VWDE: variants seen among roughly 807,000 people sequenced by gnomAD.
The protein encoded by VWDE is von Willebrand factor D and EGF domains.
VWDE carries 207 observed loss-of-function variants against 178.4 expected under a neutral mutation model. The observed-to-expected ratio is 1.16, with a 90% CI of 1.04 to 1.30. The LOEUF (loss-of-function observed/expected upper bound fraction) is 1.30, where lower values mean the gene tolerates loss of function less well. Ranked by LOEUF, VWDE falls within the 50% of genes most tolerant of loss-of-function variation. VWDE has a pLI of 0.00. For missense variants in VWDE, 2,287 were observed against 1,901.3 expected (o/e 1.20, Z -3.77); for synonymous variants, 738 against 651.4 (o/e 1.13, Z -2.02).
intron 22 of VWDE, among the ~76,000 whole-genome samples, chr7:12,342,612 T>C (rs1286779013): frequency 1.3e-5 from 2 of 151,926 alleles, no homozygotes; most frequent in Admixed American, 6.6e-5. Context: ...TGTGTTCTTT[T>C]TATTTTTTTC....
At chr7:12,331,235 G>A (rs1313621756) in intron 28 of VWDE, 38 bp from the exon 29 acceptor site, 9 of 1,519,016 alleles carry the variant, frequency 5.9e-6, no homozygotes, top group Non-Finnish European at 3.6e-6. Flanking sequence ...TCAATGAATA[G>A]TATAAAATCA....
intron 11 of VWDE, 70 bp downstream of exon 11, chr7:12,370,586 A>T (rs1157559914): frequency 1.3e-6 from 2 of 1,530,584 alleles, no homozygotes; most frequent in Non-Finnish European, 1.8e-6. Context: ...GCAAAAAAGC[A>T]GAGTGTTGAG....
At chr7:12,384,969 T>C (rs760529939) in intron 3 of VWDE, among the ~76,000 whole-genome samples, 1 of 150,994 alleles carries the variant, frequency 6.6e-6, no homozygotes, top group Non-Finnish European at 1.5e-5. Context: ...TCACATGTAG[T>C]ATAAGGACCT....
Position 12,384,880 on chromosome 7 carries a change from G to A in VWDE, c.476-1279C>T, listed in dbSNP as rs1188681602. Among the ~76,000 whole-genome samples, 4 of 152,206 alleles carry A rather than the reference G, an allele frequency of 2.6e-5. No individual in the cohort carries two copies. In the South Asian group the frequency reaches 6.2e-4, roughly 24 times the overall value. ...TATTTAAACTAAAAGACACGAAGTTGGAAGCTTTAGGGGATATAGTATACA... is the reference window on the plus strand; with the variant it reads ...TATTTAAACTAAAAGACACGAAGTTAGAAGCTTTAGGGGATATAGTATACA... On this transcript the variant is annotated intron_variant, in intron 3 of 28. Coordinates refer to ENST00000275358, the MANE Select transcript of VWDE (RefSeq NM_001135924.3).
chr7:12,380,979 C>T (rs1020283978), intron 4 of VWDE, among the ~76,000 whole-genome samples: 2 of 152,138 alleles, frequency 1.3e-5, no homozygotes, highest in African/African-American at 4.8e-5. Context: ...TGAATATCTG[C>T]CTTTGAAAAG....
intron 28 of VWDE, among the ~76,000 whole-genome samples, chr7:12,332,856 T>C (rs1043639713): frequency 6.6e-6 from 1 of 152,176 alleles, no homozygotes; most frequent in African/African-American, 2.4e-5. Context: ...AGCATACTTT[T>C]ATATTCATGA....
intron 6 of VWDE, among the ~76,000 whole-genome samples, chr7:12,378,299 T>A (rs149885105): frequency 2.5e-4 from 38 of 152,344 alleles, no homozygotes; most frequent in African/African-American, 8.2e-4. Context: ...ACTCTGGTTT[T>A]TCTTAGGGAT....
intron 3 of VWDE, among the ~76,000 whole-genome samples, chr7:12,384,856 AT>A (rs1343082883): frequency 1.3e-5 from 2 of 152,118 alleles, no homozygotes; most frequent in Non-Finnish European, 2.9e-5. Context: ...AGAATTTAGT[AT>A]TTAAACTAAA....
chr7:12,377,337 A>G (rs939471136), intron 7 of VWDE, among the ~76,000 whole-genome samples: 1 of 152,178 alleles, frequency 6.6e-6, no homozygotes, highest in Non-Finnish European at 1.5e-5. Context: ...AGGATGCATT[A>G]TGAGATCTAT....
chr7:12,353,782 C>G (rs1169180766), intron 18 of VWDE: 2 of 152,328 alleles, frequency 1.3e-5, no homozygotes, highest in African/African-American at 4.8e-5. Context: ...AAGAGAGTCT[C>G]CATGGTTTTT....
At chr7:12,371,195 G>A (rs967314060) in intron 10 of VWDE, among the ~76,000 whole-genome samples, 49 of 152,070 alleles carry the variant, frequency 3.2e-4, no homozygotes, top group African/African-American at 1.1e-3. Context: ...GCCAAGTAAT[G>A]TTTCTGATAA....
At chr7:12,391,571 C>G (rs1309410385) in intron 2 of VWDE, among the ~76,000 whole-genome samples, 1 of 152,142 alleles carries the variant, frequency 6.6e-6, no homozygotes, top group African/African-American at 2.4e-5. Flanking sequence ...TGAAGTTCCT[C>G]CAATTTTCTC....
At chr7:12,391,883 T>C (rs848008) in intron 2 of VWDE, among the ~76,000 whole-genome samples, 75,516 of 151,982 alleles carry the variant, frequency 0.5, 19,486 homozygotes, top group African/African-American at 0.64. Context: ...CCAATGGTAG[T>C]TGCATGACCT....
chr7:12,335,613 G>T (rs1780977162), intron 27 of VWDE, among the ~76,000 whole-genome samples: 1 of 151,738 alleles, frequency 6.6e-6, no homozygotes, highest in Non-Finnish European at 1.5e-5. Flanking sequence ...CTGCCACCAC[G>T]CCTGGCTAAT....
chr7:12,346,160 A>G (rs1216033360), intron 19 of VWDE, among the ~76,000 whole-genome samples: 1 of 152,152 alleles, frequency 6.6e-6, no homozygotes, highest in Non-Finnish European at 1.5e-5. Flanking sequence ...GGGGTACACA[A>G]GATAACCCAG....
chr7:12,351,751 C>G, intron 18 of VWDE, 38 bp from the exon 19 acceptor site: 1 of 1,494,312 alleles, frequency 6.7e-7, no homozygotes, highest in Non-Finnish European at 8.9e-7. Context: ...TAGACTTAAA[C>G]TATTAGACAA....
intron 21 of VWDE, 52 bp from the exon 22 acceptor site, chr7:12,343,230 G>A (rs1781423725): frequency 1.5e-6 from 2 of 1,312,824 alleles, no homozygotes; most frequent in Non-Finnish European, 2.1e-6. Flanking sequence ...TAAAAAGTCA[G>A]TTTATATTTA....
At chr7:12,365,642 A>G (rs1562489357) in intron 13 of VWDE, among the ~76,000 whole-genome samples, 1 of 152,032 alleles carries the variant, frequency 6.6e-6, no homozygotes, top group South Asian at 2.1e-4. Context: ...CACAAAGTGA[A>G]TGCAAGGCTT....
At chr7:12,389,458 C>T (rs892117421) in intron 2 of VWDE, 100 bp from the exon 3 acceptor site, 150 of 822,934 alleles carry the variant, frequency 1.8e-4, no homozygotes, top group Non-Finnish European at 1.4e-4. Context: ...CTTAAAATAT[C>T]ATTAATCATT....
Sources: allele counts gnomAD v4.1 joint callset (sites outside exome capture counted in the v4.1 genomes callset), GRCh38; gene constraint gnomAD v4.1.1; transcripts MANE v1.5; gene names NCBI Gene and HGNC (gene_info 2026-07-23, HGNC 2026-07-21).